Variants in VAV3 observed in about 807,000 individuals in gnomAD.
The protein encoded by VAV3 is vav guanine nucleotide exchange factor 3.
Under a neutral mutation model 131.2 loss-of-function variants are expected in VAV3, and 94 were observed. The observed-to-expected ratio is 0.72, with a 90% CI of 0.61 to 0.85. VAV3 has a LOEUF of 0.85. Among genes scored for constraint, VAV3 ranks in the 40% least tolerant of loss-of-function variants. VAV3 has a pLI of 0.00. For synonymous variants in VAV3, 349 were observed against 342.0 expected (o/e 1.02, Z -0.22); for missense variants, 939 against 1,002.7 (o/e 0.94, Z 0.86).
chr1:107,750,136 C>T (rs12144218), intron 13 of VAV3, among the ~76,000 whole-genome samples: 26,305 of 152,030 alleles, frequency 0.17, 2,626 homozygotes, highest in East Asian at 0.34. Flanking sequence ...AGATAATTTG[C>T]TCAAGATCAC....
intron 1 of VAV3, among the ~76,000 whole-genome samples, chr1:107,937,835 A>G (rs1488720839): frequency 6.6e-6 from 1 of 152,200 alleles, no homozygotes; most frequent in Non-Finnish European, 1.5e-5. Flanking sequence ...GTAGGCCCCA[A>G]TTTAAGAAAA....
At chr1:107,924,529 T>G (rs1218322198) in intron 1 of VAV3, among the ~76,000 whole-genome samples, 4 of 152,180 alleles carry the variant, frequency 2.6e-5, no homozygotes, top group Non-Finnish European at 5.9e-5. Context: ...CTCTCAACTT[T>G]TGTCAACTTC....
intron 20 of VAV3, among the ~76,000 whole-genome samples, chr1:107,636,758 A>G (rs535142586): frequency 1.3e-5 from 2 of 151,842 alleles, no homozygotes; most frequent in African/African-American, 4.8e-5. Context: ...TCAAACCATC[A>G]TAAGGCAAGG....
rs1649445455 is a variant in VAV3 at position 107,574,091 on chromosome 1, T to C, written c.2458A>G (p.Lys820Glu). ...CTCCACCAGCCATTTGCACTCATCT[T>C]TGTGTAAATCTTCACCACATCTCCT... ...LKGDVVKIYTKMSANGWWRGE... is the reference protein window; with the variant it reads ...LKGDVVKIYTEMSANGWWRGE... The change falls in exon 26 of 27, where the codon AAG (lysine) becomes GAG (glutamate). Residue 820 changes from lysine to glutamate, a missense_variant. By Grantham distance (56) the Lys-to-Glu change is moderately conservative. Transcript: ENST00000370056. 6.2e-7 allele frequency: 1 copy of C among 1,614,070 alleles called. No homozygotes were observed. The highest frequency in any genetic ancestry group is 8.5e-7 in the Non-Finnish European group (1 of 1,180,040).
At chr1:107,908,754 G>A (rs777064958) in intron 1 of VAV3, among the ~76,000 whole-genome samples, 1 of 151,042 alleles carries the variant, frequency 6.6e-6, no homozygotes, top group Non-Finnish European at 1.5e-5. Flanking sequence ...GATAGAAAAG[G>A]AGTAAGAAAA....
chr1:107,667,944 T>G (rs973646334), intron 19 of VAV3, among the ~76,000 whole-genome samples: 2 of 152,170 alleles, frequency 1.3e-5, no homozygotes, highest in African/African-American at 4.8e-5. Context: ...CTGCTTGCCC[T>G]TTGCCCAACT....
intron 15 of VAV3, among the ~76,000 whole-genome samples, chr1:107,733,689 GA>G (rs1057271618): frequency 4.0e-5 from 6 of 151,632 alleles, no homozygotes; most frequent in Admixed American, 6.6e-5. Flanking sequence ...GAAGTTTAGA[GA>G]AAAAAAAGTA....
intron 2 of VAV3, among the ~76,000 whole-genome samples, chr1:107,835,517 C>T (rs1668436871): frequency 6.6e-6 from 1 of 152,174 alleles, no homozygotes; most frequent in African/African-American, 2.4e-5. Flanking sequence ...CGGGGCTGGT[C>T]TGGGAACAGT....
chr1:107,593,790 A>T lies in VAV3; in HGVS notation c.2350+2422T>A, dbSNP rs551733270. ...TATTTAAAAAATCATAAAGGCAAAGATGTACATTGCTATGAGTCATAATTA... is the reference window on the plus strand; with the variant it reads ...TATTTAAAAAATCATAAAGGCAAAGTTGTACATTGCTATGAGTCATAATTA... On this transcript the variant is annotated intron_variant, in intron 25 of 26. Transcript: ENST00000370056. 5.7e-4 allele frequency among the ~76,000 whole-genome samples: 87 copies of T among 152,244 alleles called. 3 individuals are homozygous for T. The South Asian group carries it at 0.017, about 30-fold the overall frequency.
At chr1:107,603,389 C>A (rs1270755303) in intron 22 of VAV3, among the ~76,000 whole-genome samples, 9 of 152,032 alleles carry the variant, frequency 5.9e-5, no homozygotes, top group Admixed American at 5.9e-4. Flanking sequence ...TGCCTAATAC[C>A]CACTAAGCAC....
At chr1:107,952,485 T>TATATATATAC (rs1317970944) in intron 1 of VAV3, among the ~76,000 whole-genome samples, 1 of 94,422 alleles carries the variant, frequency 1.1e-5, no homozygotes, top group African/African-American at 3.6e-5. Context: ...TATATATATA[T>TATATATATAC]ACACACATAA....
chr1:107,778,906 T>C (rs766936974), intron 3 of VAV3, among the ~76,000 whole-genome samples: 4 of 152,192 alleles, frequency 2.6e-5, no homozygotes, highest in Non-Finnish European at 5.9e-5. Context: ...ATCAACTGCA[T>C]AATACTCTAT....
chr1:107,857,640 C>T (rs570898125), intron 2 of VAV3, among the ~76,000 whole-genome samples: 2 of 151,968 alleles, frequency 1.3e-5, no homozygotes, highest in Non-Finnish European at 2.9e-5. Context: ...TTGGACAAAT[C>T]TGGGCTTTGT....
chr1:107,850,467 AG>A (rs1669166134), intron 2 of VAV3, among the ~76,000 whole-genome samples: 1 of 152,058 alleles, frequency 6.6e-6, no homozygotes, highest in African/African-American at 2.4e-5. Flanking sequence ...AAACTAACAC[AG>A]GAACAGATAA....
chr1:107,657,176 A>C (rs1656632572), intron 19 of VAV3, among the ~76,000 whole-genome samples: 1 of 151,954 alleles, frequency 6.6e-6, no homozygotes, highest in Non-Finnish European at 1.5e-5. Context: ...GTTGATATCA[A>C]ACTCCTGACC....
At chr1:107,709,804 C>A (rs868372727) in intron 15 of VAV3, among the ~76,000 whole-genome samples, 26 of 152,302 alleles carry the variant, frequency 1.7e-4, no homozygotes, top group African/African-American at 6.0e-4. Context: ...TTTGTCTCCC[C>A]TTCTACCATG....
In VAV3 at chr1:107,751,119, T is replaced by C. The variant is rs781371591; in HGVS notation, c.1257A>G (p.Glu419=). 5 of 1,609,714 alleles carry C rather than the reference T, an allele frequency of 3.1e-6. No individual in the cohort carries two copies. The highest frequency in any genetic ancestry group is 4.2e-6 in the Non-Finnish European group (5 of 1,179,008). The part of the protein sequence containing the change: ...ITTLDKHTKQ[E]RHIFLFDLAV... ...AAATAGTATTCTTCTTTTCTTACCT[T>C]TCTTGTTTGGTATGCTTGTCTAGAG... The change falls in exon 13 of 27, where the codon GAA becomes GAG. Residue 419 remains glutamate (E), a splice_region_variant and synonymous_variant. Coordinates refer to ENST00000370056, the MANE Select transcript of VAV3 (RefSeq NM_006113.5).
intron 2 of VAV3, among the ~76,000 whole-genome samples, chr1:107,833,682 T>G (rs574619158): frequency 6.6e-6 from 1 of 152,280 alleles, no homozygotes; most frequent in African/African-American, 2.4e-5. Flanking sequence ...AATTATACAG[T>G]GTGTTTATGA....
At chr1:107,737,473 A>G (rs1662726815) in intron 15 of VAV3, among the ~76,000 whole-genome samples, 1 of 152,230 alleles carries the variant, frequency 6.6e-6, no homozygotes, top group African/African-American at 2.4e-5. Context: ...AAGGACTAAT[A>G]TCCAGAATCT....
Sources: allele counts gnomAD v4.1 joint callset (sites outside exome capture counted in the v4.1 genomes callset), GRCh38; gene constraint gnomAD v4.1.1; transcripts MANE v1.5; gene names NCBI Gene and HGNC (gene_info 2026-07-23, HGNC 2026-07-21).